Variants in PDE3B observed in about 807,000 individuals in gnomAD.
The protein encoded by PDE3B is phosphodiesterase 3B.
In PDE3B, 66 loss-of-function variants were observed where a neutral mutation model predicts 116.8. That is an observed-to-expected ratio of 0.56 (90% CI 0.46 to 0.69). The LOEUF (loss-of-function observed/expected upper bound fraction) is 0.69, where lower values mean the gene tolerates loss of function less well. Ranked by LOEUF, PDE3B falls within the 30% of genes least tolerant of loss-of-function variation. The pLI, the probability that PDE3B is intolerant of heterozygous loss-of-function variation, is 0.00. For synonymous variants in PDE3B, 595 were observed against 533.6 expected, an observed-to-expected ratio of 1.12 and a Z score of -1.59; for missense variants, 1,384 against 1,368.1, an observed-to-expected ratio of 1.01 and a Z score of -0.18.
intron 4 of PDE3B, among the ~76,000 whole-genome samples, chr11:14,801,910 G>T (rs1366428681): frequency 6.6e-6 from 1 of 152,208 alleles, no homozygotes; most frequent in Non-Finnish European, 1.5e-5. Context: ...CAAACTTTTG[G>T]GCTGCTTTGT....
chr11:14,750,797 A>G (rs1285944128), intron 1 of PDE3B, among the ~76,000 whole-genome samples: 1 of 152,214 alleles, frequency 6.6e-6, no homozygotes, highest in African/African-American at 2.4e-5. Context: ...AATACATTTT[A>G]TGGGTGTGGC....
At chr11:14,859,336 T>C in intron 13 of PDE3B, 90 bp downstream of exon 13, 1 of 806,164 alleles carries the variant, frequency 1.2e-6, no homozygotes, top group East Asian at 2.7e-5. Flanking sequence ...GTTAGAATTA[T>C]TACTACTTAG....
chr11:14,788,279 C>T (rs1247353425), intron 3 of PDE3B, among the ~76,000 whole-genome samples: 1 of 151,954 alleles, frequency 6.6e-6, no homozygotes, highest in African/African-American at 2.4e-5. Context: ...GAACAGACAA[C>T]TTGATATAAC....
At chr11:14,736,124 C>G (rs1289419144) in intron 1 of PDE3B, among the ~76,000 whole-genome samples, 1 of 152,100 alleles carries the variant, frequency 6.6e-6, no homozygotes, top group African/African-American at 2.4e-5. Flanking sequence ...GCTGGAGGCC[C>G]TGAAACTGGG....
At chr11:14,831,565 G>A in intron 8 of PDE3B, 75 bp from the exon 9 acceptor site, 2 of 870,602 alleles carry the variant, frequency 2.3e-6, no homozygotes. Context: ...TTAATCCTAA[G>A]TGTTCTCATT....
At chr11:14,651,140 G>A (rs931733384) in intron 1 of PDE3B, among the ~76,000 whole-genome samples, 1 of 152,138 alleles carries the variant, frequency 6.6e-6, no homozygotes, top group Non-Finnish European at 1.5e-5. Flanking sequence ...GGCTGTGAGG[G>A]AGAATCTGTT....
chr11:14,694,818 C>T (rs1855155413), intron 1 of PDE3B, among the ~76,000 whole-genome samples: 1 of 151,812 alleles, frequency 6.6e-6, no homozygotes, highest in Non-Finnish European at 1.5e-5. Context: ...CTATTAAATA[C>T]CTTTCTTTTC....
At chr11:14,766,037 G>A (rs1375314941) in intron 1 of PDE3B, among the ~76,000 whole-genome samples, 3 of 151,414 alleles carry the variant, frequency 2.0e-5, no homozygotes, top group Non-Finnish European at 4.4e-5. Flanking sequence ...TAATATACAT[G>A]TACCGCCAAC....
At chr11:14,846,462 A>G (rs1314380112) in intron 12 of PDE3B, among the ~76,000 whole-genome samples, 2 of 152,220 alleles carry the variant, frequency 1.3e-5, no homozygotes, top group African/African-American at 4.8e-5. Context: ...TAACATCATA[A>G]TGACAGGATC....
intron 5 of PDE3B, among the ~76,000 whole-genome samples, chr11:14,813,402 A>G (rs1367469380): frequency 6.6e-6 from 1 of 151,788 alleles, no homozygotes; most frequent in Non-Finnish European, 1.5e-5. Flanking sequence ...TGGCCCCATT[A>G]CTCCATCTTC....
intron 7 of PDE3B, among the ~76,000 whole-genome samples, chr11:14,821,905 A>AT (rs5789850): frequency 0.01 from 1,430 of 142,630 alleles, 14 homozygotes; most frequent in Admixed American, 0.034. Context: ...ACTCTTAAGA[A>AT]TTTTTTTTTT....
At chr11:14,859,002 T>C (rs782456321) in intron 12 of PDE3B, 41 bp from the exon 13 acceptor site, 1 of 1,399,614 alleles carries the variant, frequency 7.1e-7, no homozygotes. Context: ...AACTTTAATA[T>C]CTTTGAGGTG....
intron 1 of PDE3B, among the ~76,000 whole-genome samples, chr11:14,680,299 G>A (rs1274537487): frequency 6.6e-6 from 1 of 152,162 alleles, no homozygotes; most frequent in African/African-American, 2.4e-5. Context: ...GGGAAAGTGA[G>A]ATGGAGTTGC....
chr11:14,698,208 C>G (rs1386499461), intron 1 of PDE3B, among the ~76,000 whole-genome samples: 1 of 151,546 alleles, frequency 6.6e-6, no homozygotes, highest in Non-Finnish European at 1.5e-5. Context: ...AGGAAGTTCC[C>G]TTCCATTCCT....
At chr11:14,846,964 T>A (rs1847618932) in intron 12 of PDE3B, among the ~76,000 whole-genome samples, 1 of 152,162 alleles carries the variant, frequency 6.6e-6, no homozygotes, top group African/African-American at 2.4e-5. Context: ...ACCCAGGAAT[T>A]GAACTCAGCT....
chr11:14,755,736 C>T (rs1857164596), intron 1 of PDE3B, among the ~76,000 whole-genome samples: 1 of 152,018 alleles, frequency 6.6e-6, no homozygotes, highest in African/African-American at 2.4e-5. Context: ...TGAATTTTGT[C>T]GATAAAAACT....
intron 1 of PDE3B, among the ~76,000 whole-genome samples, chr11:14,759,087 T>C (rs1857277496): frequency 6.6e-6 from 1 of 152,174 alleles, no homozygotes; most frequent in African/African-American, 2.4e-5. Flanking sequence ...TTTGCGTATA[T>C]TGAACCAGCC....
chr11:14,660,169 C>G lies in PDE3B; in HGVS notation c.978+15116C>G, dbSNP rs575282248. On this transcript the variant is annotated intron_variant, in intron 1 of 15. Transcript: ENST00000282096. Reference sequence around the variant, plus strand: ...TGGAAGACAGAGGATGTAGAGTTTACGAGATCTTATGCCCTGTTTATAAGG... The same window carrying G: ...TGGAAGACAGAGGATGTAGAGTTTAGGAGATCTTATGCCCTGTTTATAAGG... 5.9e-5 allele frequency among the ~76,000 whole-genome samples: 9 copies of G among 152,238 alleles called. No individual in the cohort carries two copies. In the South Asian group the frequency reaches 1.9e-3, roughly 32 times the overall value.
Position 14,861,305 on chromosome 11 carries a change from C to A in PDE3B, c.2825C>A (p.Ala942Glu). The change falls in exon 14 of 16, where the codon GCA becomes GAA. Residue 942 changes from alanine to glutamate, a missense_variant. Physicochemically the swap from Ala to Glu is moderately radical, Grantham distance 107. Around this residue, in one of 2 missense-constraint regions of PDE3B, gnomAD observed 428 missense variants for 561.4 expected, o/e 0.76. Transcript: ENST00000282096. ...CIKLADINGPAKVRDLHLKWT... is the reference protein window; with the variant it reads ...CIKLADINGPEKVRDLHLKWT... The stretch of plus-strand genomic sequence containing the variant: ...AAACTGGCAGATATAAATGGCCCAG[C>A]AAAAGTTCGAGACTTGCATTTGAAA... 1 of 1,613,832 alleles carries A rather than the reference C, an allele frequency of 6.2e-7. No individual in the cohort carries two copies. The highest frequency in any genetic ancestry group is 8.5e-7 in the Non-Finnish European group (1 of 1,179,834).
Sources: gnomAD v4.1 joint callset for allele counts (sites outside exome capture counted in the v4.1 genomes callset) on GRCh38, gnomAD v4.1.1 for gene constraint, gnomAD v4.1.1 regional missense constraint, MANE v1.5 for transcripts, NCBI Gene and HGNC (gene_info 2026-07-23, HGNC 2026-07-21) for gene names.